UNC5C: variants seen among roughly 807,000 people sequenced by gnomAD.
UNC5C encodes netrin receptor UNC5C.
In UNC5C, 47 loss-of-function variants were observed where a neutral mutation model predicts 99.8. That is an observed-to-expected ratio of 0.47 (90% CI 0.37 to 0.60). The LOEUF (loss-of-function observed/expected upper bound fraction) is 0.60. Ranked by LOEUF, UNC5C falls within the 20% of genes least tolerant of loss-of-function variation. UNC5C has a pLI of 0.00. For missense variants in UNC5C, 1,062 were observed against 1,165.9 expected (o/e 0.91, Z 1.30); for synonymous variants, 487 against 452.2 (o/e 1.08, Z -0.98).
intron 1 of UNC5C, among the ~76,000 whole-genome samples, chr4:95,378,781 T>G (rs936929093): frequency 6.6e-6 from 1 of 152,196 alleles, no homozygotes; most frequent in Non-Finnish European, 1.5e-5. Flanking sequence ...TTTACACTAG[T>G]GACTTCCTAT....
chr4:95,398,857 A>T (rs530750367), intron 1 of UNC5C, among the ~76,000 whole-genome samples: 2 of 152,162 alleles, frequency 1.3e-5, no homozygotes, highest in Non-Finnish European at 2.9e-5. Flanking sequence ...ATGGGAATGG[A>T]GTTGCTGTAG....
chr4:95,521,813 T>C (rs1301724850), intron 1 of UNC5C, among the ~76,000 whole-genome samples: 2 of 152,228 alleles, frequency 1.3e-5, no homozygotes, highest in Non-Finnish European at 2.9e-5. Context: ...CATTTTTATA[T>C]ATCACAGAAT....
In UNC5C at chr4:95,165,855, A is replaced by G. The variant is rs1735839168; in HGVS notation, c.*3379T>C. 1 of 152,224 alleles carries G rather than the reference A, an allele frequency of 6.6e-6. No individual in the cohort carries two copies. The highest frequency in any genetic ancestry group is 2.4e-5 in the African/African-American group (1 of 41,464). The allele number at this position is 152,224 out of a possible 1,614,324, so 9.4% of individuals were successfully genotyped here. ...CAACTCTTCAAAGACTGTTTTATATAGATTTTACATAGTTCTGTTACAAGA... is the reference window on the plus strand; with the variant it reads ...CAACTCTTCAAAGACTGTTTTATATGGATTTTACATAGTTCTGTTACAAGA... On this transcript the variant is annotated 3_prime_UTR_variant, in exon 16 of 16. Coordinates refer to ENST00000453304, the MANE Select transcript of UNC5C (RefSeq NM_003728.4).
intron 1 of UNC5C, among the ~76,000 whole-genome samples, chr4:95,520,422 A>G (rs931694057): frequency 3.3e-5 from 5 of 152,120 alleles, no homozygotes; most frequent in Non-Finnish European, 7.3e-5. Flanking sequence ...CAAAATGCAT[A>G]ATGGTGAAAA....
rs148540944 is a variant in UNC5C at position 95,438,742 on chromosome 4, A to C, written c.125-103111T>G. On this transcript the variant is annotated intron_variant, in intron 1 of 15. Coordinates refer to ENST00000453304, the MANE Select transcript of UNC5C (RefSeq NM_003728.4). Reference sequence around the variant, plus strand: ...TTCCATTCTGCATCTGATGAATCTAAGCACACATTCTATGAAATGTACCAG... The same window carrying C: ...TTCCATTCTGCATCTGATGAATCTACGCACACATTCTATGAAATGTACCAG... Among the ~76,000 whole-genome samples, 366 of 152,312 alleles carry C rather than the reference A, an allele frequency of 2.4e-3. 2 individuals are homozygous for C. The highest frequency in any genetic ancestry group is 8.3e-3 in the African/African-American group (346 of 41,580).
At chr4:95,199,260 C>CT (rs1737556602) in intron 12 of UNC5C, among the ~76,000 whole-genome samples, 1 of 152,080 alleles carries the variant, frequency 6.6e-6, no homozygotes. Context: ...TAATAAAGGG[C>CT]TTTTTGAGCT....
Position 95,292,278 on chromosome 4 carries a change from G to GT in UNC5C, c.490+9327dup, listed in dbSNP as rs1222354890. Among the ~76,000 whole-genome samples the GT allele has an allele frequency of 3.6e-4, 44 of 121,968 alleles. No homozygotes were observed. The East Asian group carries it at 5.7e-3, about 16-fold the overall frequency. The allele number at this position is 121,968 out of a possible 152,430, so 80.0% of individuals were successfully genotyped here. On this transcript the variant is annotated intron_variant, in intron 3 of 15. Transcript: ENST00000453304. ...ATATATATATATATAAATTTTTTTT[G>GT]TTTTTTTTTGAGATGGAGTCTTGCT...
intron 1 of UNC5C, among the ~76,000 whole-genome samples, chr4:95,370,603 T>G (rs1296960707): frequency 2.6e-5 from 4 of 152,216 alleles, no homozygotes; most frequent in Non-Finnish European, 5.9e-5. Context: ...TTGTACTCAT[T>G]TTCAGCTAAT....
intron 1 of UNC5C, among the ~76,000 whole-genome samples, chr4:95,464,182 G>C (rs1364196576): frequency 6.6e-6 from 1 of 152,128 alleles, no homozygotes; most frequent in Non-Finnish European, 1.5e-5. Context: ...GGAAACTATT[G>C]ATACTGAACC....
chr4:95,188,732 G>T (rs1736943774), intron 12 of UNC5C, among the ~76,000 whole-genome samples: 1 of 152,136 alleles, frequency 6.6e-6, no homozygotes. Flanking sequence ...TGGCTTTACA[G>T]TTCAATGTTT....
intron 1 of UNC5C, among the ~76,000 whole-genome samples, chr4:95,394,847 C>T (rs1745466628): frequency 6.6e-6 from 1 of 151,906 alleles, no homozygotes; most frequent in Admixed American, 6.6e-5. Context: ...AAAATAACTT[C>T]ACTCTCCTCT....
intron 1 of UNC5C, among the ~76,000 whole-genome samples, chr4:95,361,966 A>G (rs984355086): frequency 2.7e-5 from 4 of 145,894 alleles, no homozygotes; most frequent in African/African-American, 7.8e-5. Flanking sequence ...TCTATTATCT[A>G]TTATATATAT....
chr4:95,464,885 G>A (rs188481093), intron 1 of UNC5C, among the ~76,000 whole-genome samples: 81 of 152,182 alleles, frequency 5.3e-4, no homozygotes, highest in Non-Finnish European at 8.7e-4. Flanking sequence ...TTTTTAGAAC[G>A]GTATTAGGTG....
chr4:95,338,068 G>A lies in UNC5C; in HGVS notation c.125-2437C>T, dbSNP rs574279276. 5.9e-5 allele frequency among the ~76,000 whole-genome samples: 9 copies of A among 152,100 alleles called. No individual in the cohort carries two copies. The East Asian group carries it at 1.7e-3, about 29-fold the overall frequency. ...GAAAATTCAAGAACTTGATTTAGTA[G>A]ATATGTACAGTGGGACAGATATGAT... On this transcript the variant is annotated intron_variant, in intron 1 of 15. Coordinates refer to ENST00000453304, the MANE Select transcript of UNC5C (RefSeq NM_003728.4).
rs74597209 is a variant in UNC5C at position 95,233,108 on chromosome 4, G to A, written c.1108+9321C>T. On this transcript the variant is annotated intron_variant, in intron 7 of 15. Coordinates refer to ENST00000453304, the MANE Select transcript of UNC5C (RefSeq NM_003728.4). The stretch of plus-strand genomic sequence containing the variant: ...ATCCACCTGGGCTTCTGGGGGCCCT[G>A]GTATGCAGTGTGTCCACACCACAGT... Among the ~76,000 whole-genome samples, 1,259 of 152,284 alleles carry A rather than the reference G, an allele frequency of 8.3e-3. 21 individuals are homozygous for A. The highest frequency in any genetic ancestry group is 0.029 in the African/African-American group (1,189 of 41,556).
chr4:95,186,385 G>T (rs1219393611), intron 12 of UNC5C, among the ~76,000 whole-genome samples: 1 of 152,148 alleles, frequency 6.6e-6, no homozygotes, highest in East Asian at 1.9e-4. Context: ...TCGCAGTGGA[G>T]GATTTCAGGC....
At chr4:95,503,335 T>A (rs932611915) in intron 1 of UNC5C, among the ~76,000 whole-genome samples, 4 of 152,130 alleles carry the variant, frequency 2.6e-5, no homozygotes, top group Non-Finnish European at 5.9e-5. Context: ...CCTTCAGAAC[T>A]GTGAACTTTT....
chr4:95,214,386 C>T (rs1738176091), intron 10 of UNC5C, among the ~76,000 whole-genome samples: 1 of 152,244 alleles, frequency 6.6e-6, no homozygotes, highest in Non-Finnish European at 1.5e-5. Context: ...CACCTAACTT[C>T]AGATGGTAGG....
At chr4:95,179,757 A>G (rs1736530218) in intron 14 of UNC5C, among the ~76,000 whole-genome samples, 1 of 151,448 alleles carries the variant, frequency 6.6e-6, no homozygotes, top group Admixed American at 6.6e-5. Flanking sequence ...AAAAAAAAAA[A>G]AAAAAAAAGA....
Sources: gnomAD v4.1 joint callset for allele counts (sites outside exome capture counted in the v4.1 genomes callset) on GRCh38, gnomAD v4.1.1 for gene constraint, MANE v1.5 for transcripts, NCBI Gene and HGNC (gene_info 2026-07-23, HGNC 2026-07-21) for gene names.